OTUD7A: variants seen among roughly 807,000 people sequenced by gnomAD.
OTUD7A encodes the protein OTU deubiquitinase 7A.
A neutral mutation model predicts 65.7 loss-of-function variants in OTUD7A; 12 were observed. The ratio of observed to expected loss-of-function variants is 0.18; its 90% CI spans 0.12 to 0.30. The LOEUF (loss-of-function observed/expected upper bound fraction) is 0.30, where lower values mean the gene tolerates loss of function less well. Ranked by LOEUF, OTUD7A falls within the 10% of genes least tolerant of loss-of-function variation. The probability of loss-of-function intolerance (pLI) is 1.00; values close to 1 mark genes in which losing one functional copy is unlikely to be tolerated. For missense variants in OTUD7A, 1,148 were observed against 1,304.8 expected, an observed-to-expected ratio of 0.88 and a Z score of 1.85; for synonymous variants, 641 against 586.3, an observed-to-expected ratio of 1.09 and a Z score of -1.35.
intron 10 of OTUD7A, among the ~76,000 whole-genome samples, chr15:31,494,582 A>G (rs2041358467): frequency 6.6e-6 from 1 of 152,256 alleles, no homozygotes; most frequent in African/African-American, 2.4e-5. Context: ...TCAGGCTGAG[A>G]GAGCGTTCAG....
chr15:31,586,726 G>C (rs1054925215), intron 3 of OTUD7A, among the ~76,000 whole-genome samples: 4 of 152,142 alleles, frequency 2.6e-5, no homozygotes, highest in Non-Finnish European at 5.9e-5. Context: ...CATGTCCCTA[G>C]CACTGATGGC....
chr15:31,524,084 G>A (rs989773365), intron 8 of OTUD7A, among the ~76,000 whole-genome samples: 1 of 152,144 alleles, frequency 6.6e-6, no homozygotes, highest in Non-Finnish European at 1.5e-5. Context: ...GGCTACAGAA[G>A]CAACTCTGTT....
intron 1 of OTUD7A, 60 bp downstream of exon 1, chr15:31,870,447 C>A (rs1004107902): frequency 1.4e-5 from 2 of 147,308 alleles, no homozygotes; most frequent in Non-Finnish European, 3.0e-5. Context: ...AGCGCACCTG[C>A]CTGGTCCGCG....
intron 8 of OTUD7A, among the ~76,000 whole-genome samples, chr15:31,523,621 A>G (rs2041968316): frequency 6.6e-6 from 1 of 151,998 alleles, no homozygotes; most frequent in African/African-American, 2.4e-5. Context: ...CTGGCCTTAC[A>G]TCCCCTACGG....
At chr15:31,502,565 C>T (rs1432490624) in intron 9 of OTUD7A, among the ~76,000 whole-genome samples, 1 of 152,190 alleles carries the variant, frequency 6.6e-6, no homozygotes. Flanking sequence ...ATGAGTTCCT[C>T]CGCCATCCTC....
In OTUD7A at chr15:31,541,613, T is replaced by C. The variant is rs116552723; in HGVS notation, c.551-10805A>G. Among the ~76,000 whole-genome samples, 263 of 152,286 alleles carry C rather than the reference T, an allele frequency of 1.7e-3. 3 individuals carry two copies. The highest frequency in any genetic ancestry group is 5.7e-3 in the African/African-American group (236 of 41,550). ...TTATTTTCAATAATCCTTTCAAATG[T>C]ATATCCAAGCTTGAAAGAAAGTGTA... On this transcript the variant is annotated intron_variant, in intron 5 of 12. Coordinates refer to ENST00000307050, the MANE Select transcript of OTUD7A (RefSeq NM_001382637.1).
chr15:31,632,403 G>A (rs948716225), intron 3 of OTUD7A, among the ~76,000 whole-genome samples: 15 of 152,290 alleles, frequency 9.8e-5, no homozygotes, highest in South Asian at 2.1e-4. Context: ...GCAGAACAGC[G>A]GTGCCTGTAG....
intron 1 of OTUD7A, among the ~76,000 whole-genome samples, chr15:31,868,707 G>A (rs1181241590): frequency 2.6e-5 from 4 of 152,138 alleles, no homozygotes; most frequent in Non-Finnish European, 5.9e-5. Flanking sequence ...CAAGCTTGGG[G>A]GCCTCAGGAG....
At chr15:31,733,327 C>T (rs11636624) in intron 1 of OTUD7A, among the ~76,000 whole-genome samples, 4 of 151,860 alleles carry the variant, frequency 2.6e-5, no homozygotes. Flanking sequence ...TCCACCAACA[C>T]CCCCTCCTTT....
At chr15:31,553,827 C>T (rs1888405396) in intron 5 of OTUD7A, among the ~76,000 whole-genome samples, 1 of 152,094 alleles carries the variant, frequency 6.6e-6, no homozygotes, top group African/African-American at 2.4e-5. Context: ...GCAACTGCCT[C>T]TCCCTGCTCT....
intron 1 of OTUD7A, among the ~76,000 whole-genome samples, chr15:31,794,231 A>G (rs1291218267): frequency 6.6e-6 from 1 of 152,158 alleles, no homozygotes; most frequent in Non-Finnish European, 1.5e-5. Flanking sequence ...ATCTGTCTCT[A>G]AGCTCCCTAT....
At chr15:31,862,236 A>C (rs961811282) in intron 1 of OTUD7A, among the ~76,000 whole-genome samples, 3 of 152,182 alleles carry the variant, frequency 2.0e-5, no homozygotes, top group Non-Finnish European at 4.4e-5. Flanking sequence ...AGGATAAGGA[A>C]GTACGTTCTG....
At chr15:31,621,733 T>A (rs1159814945) in intron 3 of OTUD7A, among the ~76,000 whole-genome samples, 1 of 151,524 alleles carries the variant, frequency 6.6e-6, no homozygotes, top group Non-Finnish European at 1.5e-5. Flanking sequence ...TGCCAGTCCG[T>A]GTCTTTTAAT....
chr15:31,512,709 G>T (rs1412327428), intron 8 of OTUD7A, among the ~76,000 whole-genome samples: 1 of 152,224 alleles, frequency 6.6e-6, no homozygotes, highest in Non-Finnish European at 1.5e-5. Context: ...GGAATGTTGA[G>T]AAAGGTAAAA....
intron 3 of OTUD7A, among the ~76,000 whole-genome samples, chr15:31,619,450 T>G (rs1327716214): frequency 6.6e-6 from 1 of 152,172 alleles, no homozygotes; most frequent in Non-Finnish European, 1.5e-5. Flanking sequence ...TTTATTTCAT[T>G]GAGTGGTTTG....
chr15:31,638,885 A>G (rs1229635172), intron 3 of OTUD7A, among the ~76,000 whole-genome samples: 1 of 152,098 alleles, frequency 6.6e-6, no homozygotes, highest in Non-Finnish European at 1.5e-5. Context: ...CTATAATCCC[A>G]GCGCTTTGGG....
At chr15:31,573,602 T>C (rs952419978) in intron 3 of OTUD7A, among the ~76,000 whole-genome samples, 3 of 152,230 alleles carry the variant, frequency 2.0e-5, no homozygotes, top group Admixed American at 2.0e-4. Context: ...AAGATAATGT[T>C]TACAGTTGAC....
chr15:31,487,662 C>T lies in OTUD7A; in HGVS notation c.1172-96G>A. On this transcript the variant is annotated intron_variant, in intron 10 of 12. Coordinates refer to ENST00000307050, the MANE Select transcript of OTUD7A (RefSeq NM_001382637.1). This position sits in a 1 kb window ranked among gnomAD's most constrained non-coding sequence, Gnocchi z 6.0. ...AAGCCAGGTATCTGGGTGACAAATG[C>T]ACCGAGTGGACATCTACACAGATCT... 1.1e-6 allele frequency: 1 copy of T among 890,174 alleles called. No individual in the cohort carries two copies. The highest frequency in any genetic ancestry group is 1.7e-6 in the Non-Finnish European group (1 of 582,810). 55.1% of individuals were successfully genotyped at this position (890,174 alleles called of 1,614,324 possible).
chr15:31,698,532 G>A (rs1893136635), intron 1 of OTUD7A, among the ~76,000 whole-genome samples: 1 of 152,058 alleles, frequency 6.6e-6, no homozygotes, highest in Admixed American at 6.5e-5. Context: ...TGGAAGTGGG[G>A]GCACTGCCCA....
Sources: gnomAD v4.1 joint callset for allele counts (sites outside exome capture counted in the v4.1 genomes callset) on GRCh38, gnomAD v4.1.1 for gene constraint, Gnocchi (gnomAD v3.1) non-coding constraint, MANE v1.5 for transcripts, NCBI Gene and HGNC (gene_info 2026-07-23, HGNC 2026-07-21) for gene names.